Variants in RAB30 observed in about 807,000 individuals in gnomAD.
The protein encoded by RAB30 is RAB30, member RAS oncogene family, also known as ras-related protein Rab-30.
In RAB30, 9 loss-of-function variants were observed where a neutral mutation model predicts 25.1. The ratio of observed to expected loss-of-function variants is 0.36; its 90% CI spans 0.22 to 0.63. RAB30 has a LOEUF of 0.63. Ranked by LOEUF, RAB30 falls within the 20% of genes least tolerant of loss-of-function variation. RAB30 has a pLI of 0.69. For missense variants in RAB30, 140 were observed against 243.5 expected, an observed-to-expected ratio of 0.58 and a Z score of 2.83; for synonymous variants, 77 against 86.4, an observed-to-expected ratio of 0.89 and a Z score of 0.60.
At position 82,974,937 on chromosome 11, in the gene RAB30, TG is replaced by T. The variant is rs1856516425; in HGVS notation, c.*7227del. 5 of 143,444 alleles carry T rather than the reference TG, an allele frequency of 3.5e-5. No homozygotes were observed. Among genetic ancestry groups the T allele is most frequent in the African/African-American group, 1.3e-4 (5 of 38,992 alleles). 8.9% of individuals were successfully genotyped at this position (143,444 alleles called of 1,614,324 possible). On this transcript the variant is annotated 3_prime_UTR_variant, in exon 5 of 5. Transcript: ENST00000527633. ...ATCTGAAATTTTGAGCAGAGTTTGT[TG>T]TTTTTTCTTTTTTTTTTTTTTTTTG...
At chr11:82,993,688 G>T (rs1008573409) in intron 3 of RAB30, among the ~76,000 whole-genome samples, 1 of 152,190 alleles carries the variant, frequency 6.6e-6, no homozygotes, top group Non-Finnish European at 1.5e-5. Flanking sequence ...AAATCGGGAG[G>T]CTCTTTCATG....
At position 83,068,635 on chromosome 11, in the gene RAB30, C is replaced by T. The variant is rs186150082; in HGVS notation, c.-9+3056G>A. On this transcript the variant is annotated intron_variant, in intron 1 of 4. Transcript: ENST00000527633. ...CTCATTCTTCATTCTAGTCTTTCTC[C>T]TCTTGCTCTGTCTCTAACTTCCTTT... 9.8e-4 allele frequency among the ~76,000 whole-genome samples: 150 copies of T among 152,302 alleles called. 8 individuals carry two copies. Among genetic ancestry groups the T allele is most frequent in the South Asian group, 3.9e-3 (19 of 4,832 alleles).
intron 1 of RAB30, among the ~76,000 whole-genome samples, chr11:83,067,600 C>A (rs528438436): frequency 1.3e-5 from 2 of 152,310 alleles, no homozygotes; most frequent in African/African-American, 4.8e-5. Context: ...AACGTCATCC[C>A]CAGTTGCTCA....
Position 83,033,460 on chromosome 11 carries a change from C to T in RAB30, c.-8-36136G>A, listed in dbSNP as rs1429526297. 2.0e-5 allele frequency among the ~76,000 whole-genome samples: 3 copies of T among 152,166 alleles called. No homozygotes were observed. The East Asian group carries it at 5.8e-4, about 29-fold the overall frequency. ...AATATATCTTGGCAAGCTAGAGTGA[C>T]AGGTCAAATTTAGGCCAATTTCTAA... is the stretch of plus-strand genomic sequence containing the variant. On this transcript the variant is annotated intron_variant, in intron 1 of 4. Transcript: ENST00000527633.
At chr11:83,046,238 A>G (rs1858230143) in intron 1 of RAB30, among the ~76,000 whole-genome samples, 1 of 152,226 alleles carries the variant, frequency 6.6e-6, no homozygotes, top group African/African-American at 2.4e-5. Flanking sequence ...GTGTCTTAAA[A>G]TTAAGATTCA....
At chr11:82,994,837 A>T (rs572402541) in intron 2 of RAB30, among the ~76,000 whole-genome samples, 6 of 152,194 alleles carry the variant, frequency 3.9e-5, no homozygotes, top group Non-Finnish European at 8.8e-5. Context: ...TAGGGTAGAA[A>T]CAGCACTAAA....
At chr11:83,033,055 CTTTTTTTTT>C (rs71463144) in intron 1 of RAB30, among the ~76,000 whole-genome samples, 2 of 77,866 alleles carry the variant, frequency 2.6e-5, no homozygotes, top group Admixed American at 1.4e-4. Flanking sequence ...GCCTCAAATT[CTTTTTTTTT>C]TTTTTTTTTT....
chr11:83,019,652 C>G (rs1360875688), intron 1 of RAB30, among the ~76,000 whole-genome samples: 1 of 152,190 alleles, frequency 6.6e-6, no homozygotes, highest in African/African-American at 2.4e-5. Context: ...CTTTAGAACA[C>G]TAAGTTACTA....
chr11:83,046,544 A>G (rs1858237993), intron 1 of RAB30, among the ~76,000 whole-genome samples: 1 of 151,992 alleles, frequency 6.6e-6, no homozygotes, highest in Non-Finnish European at 1.5e-5. Context: ...CCCAGGCTTC[A>G]GTGCAGTGGC....
At position 82,998,546 on chromosome 11, in the gene RAB30, T is replaced by TAA. The variant is rs34769119; in HGVS notation, c.-8-1224_-8-1223dup. Among the ~76,000 whole-genome samples, 354 of 107,966 alleles carry TAA rather than the reference T, an allele frequency of 3.3e-3. 3 individuals carry two copies. Among genetic ancestry groups the TAA allele is most frequent in the African/African-American group, 5.4e-3 (158 of 29,106 alleles). 70.8% of individuals were successfully genotyped at this position (107,966 alleles called of 152,430 possible). A position where few individuals can be genotyped will look rare whatever the true frequency, so the allele number is the denominator to read the frequency against. ...CTGGGTGACAGAGTGAGACTCTGTC[T>TAA]AAAAAAAAAAAAAAAAAACCAACCT... On this transcript the variant is annotated intron_variant, in intron 1 of 4. Transcript: ENST00000527633.
intron 1 of RAB30, among the ~76,000 whole-genome samples, chr11:83,003,445 G>A (rs565298551): frequency 2.0e-5 from 3 of 151,632 alleles, no homozygotes; most frequent in East Asian, 1.9e-4. Context: ...TTTTTTAGAC[G>A]GAATTTTGCT....
chr11:83,070,844 C>T (rs1167217198), intron 1 of RAB30, among the ~76,000 whole-genome samples: 1 of 152,160 alleles, frequency 6.6e-6, no homozygotes, highest in Non-Finnish European at 1.5e-5. Context: ...AAAATGAACC[C>T]CTCTTCCCTA....
At chr11:83,034,045 C>T (rs968062228) in intron 1 of RAB30, 2 of 152,262 alleles carry the variant, frequency 1.3e-5, no homozygotes, top group African/African-American at 4.8e-5. Flanking sequence ...CAACCCATTC[C>T]CAGCTCAGCC....
chr11:82,974,843 G>C lies in RAB30; in HGVS notation c.*7322C>G, dbSNP rs1856514593. The C allele has an allele frequency of 6.6e-6, 1 of 151,722 alleles. No individual in the cohort carries two copies. The highest frequency in any genetic ancestry group is 2.1e-4 in the South Asian group (1 of 4,824). The allele number at this position is 151,722 out of a possible 1,614,324, so 9.4% of individuals were successfully genotyped here. A position where few individuals can be genotyped will look rare whatever the true frequency, so the allele number is the denominator to read the frequency against. On this transcript the variant is annotated 3_prime_UTR_variant, in exon 5 of 5. Transcript: ENST00000527633. ...CTATACTAAAAGTCATGCATTAAAA[G>C]TGTGTACAAGATATATGGGGCACAC...
chr11:83,038,828 A>C (rs1858043528), intron 1 of RAB30: 1 of 152,054 alleles, frequency 6.6e-6, no homozygotes, highest in African/African-American at 2.4e-5. Context: ...TCTCAAAAAA[A>C]ATAAAAAAAA....
intron 1 of RAB30, among the ~76,000 whole-genome samples, chr11:83,050,754 G>A (rs575322769): frequency 6.6e-6 from 1 of 151,080 alleles, no homozygotes; most frequent in Admixed American, 6.6e-5. Flanking sequence ...TAGTGTATTA[G>A]GAACCTCATT....
At chr11:82,995,699 CAG>C (rs1210551978) in intron 2 of RAB30, among the ~76,000 whole-genome samples, 4 of 152,144 alleles carry the variant, frequency 2.6e-5, no homozygotes, top group African/African-American at 4.8e-5. Flanking sequence ...CATCTAATGA[CAG>C]AGTTTGTGCT....
intron 1 of RAB30, among the ~76,000 whole-genome samples, chr11:83,019,743 C>CT (rs1326957499): frequency 6.6e-6 from 1 of 152,178 alleles, no homozygotes. Flanking sequence ...AGCAAGAGTA[C>CT]TTTTTTTCAG....
At chr11:83,019,015 T>A (rs1857503352) in intron 1 of RAB30, among the ~76,000 whole-genome samples, 1 of 152,146 alleles carries the variant, frequency 6.6e-6, no homozygotes, top group African/African-American at 2.4e-5. Context: ...TGTAAAAAGT[T>A]TTTTTGTGCT....
Sources: gnomAD v4.1 joint callset for allele counts (sites outside exome capture counted in the v4.1 genomes callset) on GRCh38, gnomAD v4.1.1 for gene constraint, MANE v1.5 for transcripts, NCBI Gene and HGNC (gene_info 2026-07-23, HGNC 2026-07-21) for gene names.